DTD1: variants seen among roughly 807,000 people sequenced by gnomAD.
DTD1 encodes D-tyrosyl-tRNA deacylase 1 homolog.
In DTD1, 13 loss-of-function variants were observed where a neutral mutation model predicts 25.6. The observed-to-expected ratio is 0.51, with a 90% CI of 0.33 to 0.81. The LOEUF (loss-of-function observed/expected upper bound fraction) is 0.81. Ranked by LOEUF, DTD1 falls within the 30% of genes least tolerant of loss-of-function variation. DTD1 has a pLI of 0.02. For synonymous variants in DTD1, 110 were observed against 103.6 expected (o/e 1.06, Z -0.37); for missense variants, 193 against 266.4 (o/e 0.72, Z 1.92).
intron 4 of DTD1, among the ~76,000 whole-genome samples, chr20:18,693,841 C>T (rs1002204457): frequency 6.6e-6 from 1 of 152,138 alleles, no homozygotes; most frequent in Non-Finnish European, 1.5e-5. Context: ...CATCAGTAAA[C>T]GAGCAGGACG....
At chr20:18,701,853 C>T (rs919880434) in intron 4 of DTD1, among the ~76,000 whole-genome samples, 1 of 152,224 alleles carries the variant, frequency 6.6e-6, no homozygotes, top group African/African-American at 2.4e-5. Flanking sequence ...ATTTGTCCTT[C>T]TGTCAGATAA....
At chr20:18,708,253 T>TATATATATATA (rs1491504450) in intron 4 of DTD1, among the ~76,000 whole-genome samples, 4 of 13,160 alleles carry the variant, frequency 3.0e-4, no homozygotes, top group African/African-American at 1.1e-3. Context: ...TAATATATAT[T>TATATATATATA]ATATATATAT....
At chr20:18,685,926 C>T (rs1164184361) in intron 4 of DTD1, among the ~76,000 whole-genome samples, 1 of 152,194 alleles carries the variant, frequency 6.6e-6, no homozygotes, top group Non-Finnish European at 1.5e-5. Context: ...AGAGAAAGTC[C>T]TGTGTGCTGC....
intron 4 of DTD1, among the ~76,000 whole-genome samples, chr20:18,672,467 G>A (rs950986397): frequency 2.6e-5 from 4 of 151,610 alleles, no homozygotes; most frequent in Non-Finnish European, 5.9e-5. Flanking sequence ...TTGAACTTAG[G>A]TATTCACCAA....
At chr20:18,732,453 C>T (rs916504511) in intron 4 of DTD1, among the ~76,000 whole-genome samples, 3 of 152,124 alleles carry the variant, frequency 2.0e-5, no homozygotes, top group East Asian at 1.9e-4. Flanking sequence ...TAATAGCTTA[C>T]GACCTACAAA....
chr20:18,695,188 C>G (rs2061066085), intron 4 of DTD1, among the ~76,000 whole-genome samples: 1 of 151,984 alleles, frequency 6.6e-6, no homozygotes, highest in Admixed American at 6.6e-5. Context: ...AGCAACGATT[C>G]ACACATAGAG....
At chr20:18,618,625 AT>A (rs1287402328) in intron 3 of DTD1, among the ~76,000 whole-genome samples, 1 of 150,414 alleles carries the variant, frequency 6.6e-6, no homozygotes, top group Non-Finnish European at 1.5e-5. Context: ...ATATATGTAT[AT>A]GTATATATAA....
chr20:18,748,896 G>T lies in DTD1; in HGVS notation c.*19+4625G>T, dbSNP rs189190635. Among the ~76,000 whole-genome samples, 17 of 151,776 alleles carry T rather than the reference G, an allele frequency of 1.1e-4. No individual in the cohort carries two copies. In the East Asian group the frequency reaches 3.3e-3, roughly 29 times the overall value. On this transcript the variant is annotated intron_variant, in intron 5 of 5. Transcript: ENST00000377452. ...AGCCACAGAGGGGAGGCAGCAGGGG[G>T]AGCAGACCCCACGGGAAGTGTTTGG...
At chr20:18,662,916 C>T (rs189038650) in intron 4 of DTD1, among the ~76,000 whole-genome samples, 211 of 152,186 alleles carry the variant, frequency 1.4e-3, no homozygotes, top group African/African-American at 4.8e-3. Flanking sequence ...TGGCTCTTAT[C>T]GCAAAGTCAT....
At chr20:18,735,719 T>C (rs929075611) in intron 4 of DTD1, among the ~76,000 whole-genome samples, 2 of 152,080 alleles carry the variant, frequency 1.3e-5, no homozygotes, top group Non-Finnish European at 2.9e-5. Context: ...AAAGAATAAG[T>C]CTTGAGTTGA....
chr20:18,611,373 C>T (rs1408016240), intron 3 of DTD1, among the ~76,000 whole-genome samples: 4 of 152,218 alleles, frequency 2.6e-5, no homozygotes, highest in Admixed American at 2.0e-4. Flanking sequence ...TATGAAAAGG[C>T]TCTGTGAGCC....
chr20:18,744,751 A>G (rs1449479475), intron 5 of DTD1, among the ~76,000 whole-genome samples: 1 of 151,858 alleles, frequency 6.6e-6, no homozygotes, highest in Non-Finnish European at 1.5e-5. Context: ...CCCATGATTC[A>G]GTTACCTCCC....
intron 5 of DTD1, among the ~76,000 whole-genome samples, chr20:18,757,168 G>C (rs2061342510): frequency 6.6e-6 from 1 of 152,090 alleles, no homozygotes; most frequent in African/African-American, 2.4e-5. Flanking sequence ...AGGAGATTTT[G>C]GGCTGACATG....
chr20:18,607,261 A>G (rs2060663766), intron 3 of DTD1, among the ~76,000 whole-genome samples: 1 of 152,026 alleles, frequency 6.6e-6, no homozygotes, highest in African/African-American at 2.4e-5. Flanking sequence ...TTCCGGGTTC[A>G]AACGATTCTC....
intron 4 of DTD1, among the ~76,000 whole-genome samples, chr20:18,637,479 A>G (rs1332196446): frequency 6.6e-6 from 1 of 152,206 alleles, no homozygotes; most frequent in Non-Finnish European, 1.5e-5. Flanking sequence ...TGAGCCCAAC[A>G]TGTGGATTGC....
chr20:18,754,957 G>A (rs1189029464), intron 5 of DTD1, among the ~76,000 whole-genome samples: 2 of 152,186 alleles, frequency 1.3e-5, no homozygotes, highest in African/African-American at 4.8e-5. Flanking sequence ...GTTCCCAGTA[G>A]TAGCACAGTT....
intron 3 of DTD1, among the ~76,000 whole-genome samples, chr20:18,617,331 A>G (rs2060712975): frequency 6.7e-6 from 1 of 148,430 alleles, no homozygotes; most frequent in South Asian, 2.1e-4. Context: ...TATATAATAT[A>G]TATAATATTA....
intron 4 of DTD1, among the ~76,000 whole-genome samples, chr20:18,632,926 G>GT (rs1568653335): frequency 6.6e-6 from 1 of 152,132 alleles, no homozygotes; most frequent in African/African-American, 2.4e-5. Context: ...ACCAAGTGTC[G>GT]TTTTGGTATT....
At chr20:18,702,212 A>G (rs539154203) in intron 4 of DTD1, among the ~76,000 whole-genome samples, 1 of 152,344 alleles carries the variant, frequency 6.6e-6, no homozygotes, top group South Asian at 2.1e-4. Context: ...TTTCAAACCA[A>G]GAAAGATTTT....
Sources: gnomAD v4.1 joint callset for allele counts (sites outside exome capture counted in the v4.1 genomes callset) on GRCh38, gnomAD v4.1.1 for gene constraint, MANE v1.5 for transcripts, NCBI Gene and HGNC (gene_info 2026-07-23, HGNC 2026-07-21) for gene names.